ELF1: variants seen among roughly 807,000 people sequenced by gnomAD.
ELF1 encodes the protein E74 like ETS transcription factor 1, also known as ETS-related transcription factor Elf-1.
Under a neutral mutation model 59.9 loss-of-function variants are expected in ELF1, and 24 were observed. The observed-to-expected ratio is 0.40, with a 90% confidence interval of 0.29 to 0.56. The LOEUF (loss-of-function observed/expected upper bound fraction) is 0.56. Ranked by LOEUF, ELF1 falls within the 20% of genes least tolerant of loss-of-function variation. The pLI is 0.44. For missense variants in ELF1, 627 were observed against 742.2 expected (o/e 0.84, Z 1.80); for synonymous variants, 248 against 266.2 (o/e 0.93, Z 0.67).
At chr13:41,055,186 C>T (rs370809171) in intron 1 of ELF1, among the ~76,000 whole-genome samples, 35 of 152,206 alleles carry the variant, frequency 2.3e-4, no homozygotes, top group South Asian at 1.2e-3. Context: ...TAAGAGGTAT[C>T]GTTCTTCCTA....
At chr13:40,958,783 C>A in intron 3 of ELF1, 53 bp downstream of exon 3, 2 of 1,537,646 alleles carry the variant, frequency 1.3e-6, no homozygotes, top group Non-Finnish European at 1.7e-6. Flanking sequence ...AGGATTAGGA[C>A]ACTGCCTAAA....
chr13:41,053,869 T>C (rs1156536112), intron 1 of ELF1, among the ~76,000 whole-genome samples: 1 of 152,184 alleles, frequency 6.6e-6, no homozygotes, highest in African/African-American at 2.4e-5. Context: ...CAAACTCATT[T>C]GTATAAATAC....
chr13:40,980,037 G>A (rs1873164425), intron 2 of ELF1, among the ~76,000 whole-genome samples: 1 of 152,208 alleles, frequency 6.6e-6, no homozygotes, highest in South Asian at 2.1e-4. Context: ...CTACCCTCCT[G>A]CAAAGCAGTT....
chr13:40,981,913 AT>A, intron 2 of ELF1, 69 bp downstream of exon 2: 2 of 1,516,500 alleles, frequency 1.3e-6, no homozygotes, highest in South Asian at 2.5e-5. Flanking sequence ...TTTAAAGGAA[AT>A]AATTTTCTGA....
At chr13:40,937,377 T>C (rs1593346889) in intron 8 of ELF1, among the ~76,000 whole-genome samples, 3 of 152,226 alleles carry the variant, frequency 2.0e-5, no homozygotes, top group Non-Finnish European at 4.4e-5. Flanking sequence ...AAGTGGAAGG[T>C]TAAATATTAT....
chr13:41,049,828 C>A (rs931283326), intron 1 of ELF1, among the ~76,000 whole-genome samples: 10 of 152,202 alleles, frequency 6.6e-5, no homozygotes, highest in African/African-American at 2.4e-4. Flanking sequence ...CTTGTTCAAT[C>A]CATGTCCGTC....
chr13:40,981,015 A>T (rs1873229756), intron 2 of ELF1, among the ~76,000 whole-genome samples: 1 of 152,118 alleles, frequency 6.6e-6, no homozygotes, highest in Non-Finnish European at 1.5e-5. Flanking sequence ...AGCTAAAAAA[A>T]TTTTAATTTT....
At chr13:40,951,475 G>A in intron 3 of ELF1, 39 bp from the exon 4 acceptor site, 1 of 1,545,282 alleles carries the variant, frequency 6.5e-7, no homozygotes, top group Non-Finnish European at 8.9e-7. Flanking sequence ...TTAACTACGA[G>A]ACATCTGTTA....
intron 3 of ELF1, among the ~76,000 whole-genome samples, chr13:40,953,792 T>G (rs886721551): frequency 6.6e-6 from 1 of 152,218 alleles, no homozygotes; most frequent in Non-Finnish European, 1.5e-5. Context: ...TCTTCCCTTT[T>G]TCATGACATT....
chr13:41,057,739 C>G (rs1431719246), intron 1 of ELF1, among the ~76,000 whole-genome samples: 3 of 152,178 alleles, frequency 2.0e-5, no homozygotes, highest in African/African-American at 7.2e-5. Context: ...GGTAAATCCA[C>G]AGCACTCAGT....
At position 41,019,002 on chromosome 13, in the gene ELF1, A is replaced by G. The variant is rs7338810; in HGVS notation, c.-229+226T>C. ...TTAAATTACATAGAAAAAAAATCACAAAGACATACAAAATGCTTTAGCAAG... is the reference window on the plus strand; with the variant it reads ...TTAAATTACATAGAAAAAAAATCACGAAGACATACAAAATGCTTTAGCAAG... On this transcript the variant is annotated intron_variant, in intron 1 of 8. Transcript: ENST00000239882. Among the ~76,000 whole-genome samples the G allele has an allele frequency of 9.2e-3, 1,397 of 152,350 alleles. 23 individuals are homozygous for G. Among genetic ancestry groups the G allele is most frequent in the African/African-American group, 0.032 (1,343 of 41,570 alleles).
At chr13:41,045,230 TAA>T (rs201985057) in intron 1 of ELF1, among the ~76,000 whole-genome samples, 7 of 145,720 alleles carry the variant, frequency 4.8e-5, no homozygotes, top group East Asian at 3.9e-4. Context: ...TGTTGATCTT[TAA>T]AAAAAAAAAA....
At chr13:40,936,634 G>A (rs773477447) in intron 8 of ELF1, among the ~76,000 whole-genome samples, 5 of 151,696 alleles carry the variant, frequency 3.3e-5, no homozygotes, top group Admixed American at 6.6e-5. Flanking sequence ...GGTGGCGGGC[G>A]CCTGTAGTCC....
chr13:41,027,026 T>C (rs948758506), intron 1 of ELF1, among the ~76,000 whole-genome samples: 1 of 152,120 alleles, frequency 6.6e-6, no homozygotes, highest in Admixed American at 6.5e-5. Flanking sequence ...GAACATCCAG[T>C]CATGAAATCT....
chr13:40,949,667 A>T, intron 5 of ELF1, 139 bp downstream of exon 5: 2 of 1,088,666 alleles, frequency 1.8e-6, no homozygotes, highest in Non-Finnish European at 2.6e-6. Context: ...GAAATAACTC[A>T]TAATTTCCAT....
intron 1 of ELF1, among the ~76,000 whole-genome samples, chr13:41,047,135 G>C (rs892669637): frequency 3.3e-5 from 5 of 152,164 alleles, no homozygotes. Flanking sequence ...CCATCAGGTC[G>C]TTTAAGGACT....
chr13:41,008,666 C>T (rs1361722346), intron 1 of ELF1, among the ~76,000 whole-genome samples: 1 of 151,860 alleles, frequency 6.6e-6, no homozygotes, highest in Non-Finnish European at 1.5e-5. Flanking sequence ...TTTTCAGAAT[C>T]TCATTGTTCT....
At chr13:40,950,188 C>T (rs1400444292) in intron 4 of ELF1, among the ~76,000 whole-genome samples, 1 of 152,204 alleles carries the variant, frequency 6.6e-6, no homozygotes, top group East Asian at 1.9e-4. Flanking sequence ...ACTTGACTTC[C>T]TATCACCAGT....
chr13:40,965,122 T>C (rs999028719), intron 2 of ELF1, among the ~76,000 whole-genome samples: 3 of 152,222 alleles, frequency 2.0e-5, no homozygotes, highest in African/African-American at 7.2e-5. Context: ...AGTCTTTTCA[T>C]TGTTTCTAAA....
Sources: allele counts gnomAD v4.1 joint callset (sites outside exome capture counted in the v4.1 genomes callset), GRCh38; gene constraint gnomAD v4.1.1; transcripts MANE v1.5; gene names NCBI Gene and HGNC (gene_info 2026-07-23, HGNC 2026-07-21).